CC2D1A: variants seen among roughly 807,000 people sequenced by gnomAD.
The protein encoded by CC2D1A is coiled-coil and C2 domain containing 1A, also known as coiled-coil and C2 domain-containing protein 1A.
In CC2D1A, 68 loss-of-function variants were observed where a neutral mutation model predicts 123.8. The observed-to-expected ratio is 0.55, with a 90% CI of 0.45 to 0.67. CC2D1A has a LOEUF of 0.67. CC2D1A is among the 30% of genes least tolerant of loss of function. The probability of loss-of-function intolerance (pLI) is 0.00; values close to 1 mark genes in which losing one functional copy is unlikely to be tolerated. For synonymous variants in CC2D1A, 477 were observed against 528.0 expected, an observed-to-expected ratio of 0.90 and a Z score of 1.32; for missense variants, 1,185 against 1,290.3, an observed-to-expected ratio of 0.92 and a Z score of 1.25.
chr19:13,910,032 T>TGG, intron 2 of CC2D1A, 74 bp downstream of exon 2: 2 of 1,388,064 alleles, frequency 1.4e-6, no homozygotes, highest in South Asian at 3.3e-5. Flanking sequence ...CTGGGGGCAC[T>TGG]GGGTAGGTAG....
At chr19:13,922,602 T>A (rs1301947167) in intron 14 of CC2D1A, among the ~76,000 whole-genome samples, 1 of 152,186 alleles carries the variant, frequency 6.6e-6, no homozygotes, top group African/African-American at 2.4e-5. Context: ...CTCTCTCATA[T>A]GATTTACTTA....
intron 2 of CC2D1A, among the ~76,000 whole-genome samples, chr19:13,910,462 A>C (rs1970964123): frequency 6.6e-6 from 1 of 151,642 alleles, no homozygotes; most frequent in Admixed American, 6.6e-5. Flanking sequence ...GAGAGTTGGA[A>C]TCCGAGCTCT....
Position 13,918,113 on chromosome 19 carries a change from G to C in CC2D1A, c.792G>C (p.Gln264His). Reference sequence around the variant, plus strand: ...CTCTGGCCCAGTTGCAGAGCCGCCAGCGCGACTACAAGCTGGCTGCCCTCC... The same window carrying C: ...CTCTGGCCCAGTTGCAGAGCCGCCACCGCGACTACAAGCTGGCTGCCCTCC... ...PGPLAQLQSRQRDYKLAALHA... is the reference protein window; with the variant it reads ...PGPLAQLQSRHRDYKLAALHA... Residue 264 changes from glutamine (Q) to histidine (H), a missense_variant, in exon 7 of 29, where the codon CAG becomes CAC. Gln to His is a conservative substitution (Grantham distance 24). Coordinates refer to ENST00000318003, the MANE Select transcript of CC2D1A (RefSeq NM_017721.5). 1 of 1,612,578 alleles carries C rather than the reference G, an allele frequency of 6.2e-7. No individual in the cohort carries two copies. Among genetic ancestry groups the C allele is most frequent in the Non-Finnish European group, 8.5e-7 (1 of 1,179,900 alleles).
In CC2D1A at chr19:13,911,391, C is replaced by G. The variant is rs148187468; in HGVS notation, c.197-932C>G. Among the ~76,000 whole-genome samples the G allele has an allele frequency of 1.7e-3, 266 of 152,330 alleles. 1 individual carries two copies. Among genetic ancestry groups the G allele is most frequent in the African/African-American group, 6.1e-3 (255 of 41,586 alleles). On this transcript the variant is annotated intron_variant, in intron 2 of 28. Coordinates refer to ENST00000318003, the MANE Select transcript of CC2D1A (RefSeq NM_017721.5). ...CTATTCTAAGAGCTTCATTGACCTT[C>G]TCTGCTCCAACCTACCTATGAAGGA...
At chr19:13,926,017 T>G (rs1321313669) in intron 17 of CC2D1A, among the ~76,000 whole-genome samples, 1 of 111,456 alleles carries the variant, frequency 9.0e-6, no homozygotes, top group Non-Finnish European at 1.6e-5. Context: ...TATATATACG[T>G]ATATATATGT....
At chr19:13,925,107 G>A (rs10413701) in intron 17 of CC2D1A, among the ~76,000 whole-genome samples, 18,360 of 151,988 alleles carry the variant, frequency 0.12, 3,735 homozygotes, top group African/African-American at 0.42. Flanking sequence ...CTATCTATCC[G>A]AGCAGTCTCT....
At position 13,913,308 on chromosome 19, in the gene CC2D1A, T is replaced by C; in HGVS notation, c.513+6T>C. 1.9e-6 allele frequency: 3 copies of C among 1,602,422 alleles called. No homozygotes were observed. Among genetic ancestry groups the C allele is most frequent in the Admixed American group, 1.7e-5 (1 of 59,512 alleles). On this transcript the variant is annotated splice_donor_region_variant and intron_variant, in intron 5 of 28. Transcript: ENST00000318003. ...GCTACGATCGGGGGCTTAAAGTAAG[T>C]GGGCAGAGGGCAGGGTACAGGGACC... is the stretch of plus-strand genomic sequence containing the variant.
At chr19:13,909,103 G>GT (rs1486158200) in intron 1 of CC2D1A, among the ~76,000 whole-genome samples, 7 of 151,812 alleles carry the variant, frequency 4.6e-5, no homozygotes, top group East Asian at 1.9e-4. Context: ...ATTTTAAAAA[G>GT]TTTTTTTTCC....
chr19:13,910,016 G>A (rs1242142607), intron 2 of CC2D1A, 58 bp downstream of exon 2: 43 of 1,465,016 alleles, frequency 2.9e-5, no homozygotes, highest in Admixed American at 1.5e-4. Context: ...TGGTTCGGGC[G>A]CAGAACTGGG....
At chr19:13,917,077 CA>C (rs1387065090) in intron 6 of CC2D1A, among the ~76,000 whole-genome samples, 1 of 152,150 alleles carries the variant, frequency 6.6e-6, no homozygotes, top group African/African-American at 2.4e-5. Context: ...CTTTCAAACA[CA>C]CAGCTATATC....
In CC2D1A at chr19:13,920,615, A is replaced by C; in HGVS notation, c.1415A>C (p.Gln472Pro). ...QPKAPPSRTP[Q>P]SGSAPTAKAP... ...AAAGCCCCACCCTCAAGAACTCCCC[A>C]GTCGGGATCAGCCCCAACAGCCAAA... is the stretch of plus-strand genomic sequence containing the variant. The change falls in exon 13 of 29, where the codon CAG becomes CCG. Residue 472 changes from glutamine to proline, a missense_variant. Transcript: ENST00000318003. The C allele has an allele frequency of 6.2e-7, 1 of 1,610,764 alleles. No individual in the cohort carries two copies. Among genetic ancestry groups the C allele is most frequent in the Non-Finnish European group, 8.5e-7 (1 of 1,178,708 alleles).
chr19:13,926,426 C>T, intron 17 of CC2D1A, 91 bp from the exon 18 acceptor site: 1 of 1,242,990 alleles, frequency 8.0e-7, no homozygotes. Flanking sequence ...TGTTCCCTGC[C>T]CCCACTGGGG....
In CC2D1A at chr19:13,923,338, G is replaced by T; in HGVS notation, c.1647G>T (p.Pro549=). Residue 549 remains proline, a synonymous_variant, in exon 15 of 29, where the codon CCG becomes CCT. Coordinates refer to ENST00000318003, the MANE Select transcript of CC2D1A (RefSeq NM_017721.5). The surrounding 1 kb of genome is among the most constrained non-coding windows in gnomAD (Gnocchi z 5.3). The part of the protein sequence containing the change: ...NGLPVDITKV[P]PAPVNKDDFA... ...ACCAGCCTCGTCCTCCCCAGGTGCC[G>T]CCTGCCCCTGTCAACAAGGACGACT... 6.2e-7 allele frequency: 1 copy of T among 1,606,112 alleles called. No individual in the cohort carries two copies. Among genetic ancestry groups the T allele is most frequent in the Non-Finnish European group, 8.5e-7 (1 of 1,179,346 alleles).
At position 13,918,984 on chromosome 19, in the gene CC2D1A, C is replaced by A; in HGVS notation, c.1091C>A (p.Ala364Asp). The A allele has an allele frequency of 1.2e-6, 2 of 1,609,510 alleles. No homozygotes were observed. The highest frequency in any genetic ancestry group is 1.1e-5 in the South Asian group (1 of 90,578). Residue 364 changes from alanine (A) to aspartate (D), a missense_variant, in exon 10 of 29, where the codon GCC (alanine) becomes GAC (aspartate). Ala to Asp is a moderately radical substitution (Grantham distance 126, BLOSUM62 -2). Transcript: ENST00000318003. ...ATGGAGCGGTACCAGGTGGCCGCAG[C>A]CCAGGCCAAGAGCAAGGGGGACCAG... is the stretch of plus-strand genomic sequence containing the variant. Reference protein sequence around the residue: ...QRMERYQVAAAQAKSKGDQRK... With the variant: ...QRMERYQVAADQAKSKGDQRK...
chr19:13,916,582 T>C (rs1971214080), intron 6 of CC2D1A, among the ~76,000 whole-genome samples: 1 of 151,978 alleles, frequency 6.6e-6, no homozygotes, highest in South Asian at 2.1e-4. Context: ...TAAAATAAAA[T>C]AAGCTTGATG....
In CC2D1A at chr19:13,926,846, G is replaced by T. The variant is rs779076857; in HGVS notation, c.2099G>T (p.Ser700Ile). The change falls in exon 20 of 29, where the codon AGT (serine) becomes ATT (isoleucine). Residue 700 changes from serine (S) to isoleucine (I), a missense_variant. Transcript: ENST00000318003. ...GAAGAAGCTCAGAAAGACAAGACCA[G>T]TGTGATCAAGAACACAGACTCCCCT... is the stretch of plus-strand genomic sequence containing the variant. The part of the protein sequence containing the change: ...NVEEAQKDKT[S>I]VIKNTDSPEF... The T allele has an allele frequency of 1.2e-6, 2 of 1,614,106 alleles. No homozygotes were observed. The highest frequency in any genetic ancestry group is 1.7e-6 in the Non-Finnish European group (2 of 1,180,016).
chr19:13,913,092 C>G (rs1971060821), intron 4 of CC2D1A, 76 bp from the exon 5 acceptor site: 1 of 1,433,986 alleles, frequency 7.0e-7, no homozygotes, highest in African/African-American at 1.4e-5. Flanking sequence ...ATGGGGCCGA[C>G]TGTTACTGCA....
At position 13,920,591 on chromosome 19, in the gene CC2D1A, A is replaced by G; in HGVS notation, c.1391A>G (p.Lys464Arg). Residue 464 changes from lysine to arginine, a missense_variant, in exon 13 of 29, where the codon AAA becomes AGA. Transcript: ENST00000318003. Reference protein sequence around the residue: ...NSPVAPTAQPKAPPSRTPQSG... With the variant: ...NSPVAPTAQPRAPPSRTPQSG... Reference sequence around the variant, plus strand: ...CCTGTGGCCCCCACAGCCCAGCCCAAAGCCCCACCCTCAAGAACTCCCCAG... The same window carrying G: ...CCTGTGGCCCCCACAGCCCAGCCCAGAGCCCCACCCTCAAGAACTCCCCAG... 1.2e-6 allele frequency: 2 copies of G among 1,609,632 alleles called. No individual in the cohort carries two copies. Among genetic ancestry groups the G allele is most frequent in the South Asian group, 1.1e-5 (1 of 90,484 alleles).
In CC2D1A at chr19:13,912,387, T is replaced by C. The variant is rs902465510; in HGVS notation, c.261T>C (p.Asp87=). Residue 87 remains aspartate, a synonymous_variant, in exon 3 of 29, where the codon GAT becomes GAC. Coordinates refer to ENST00000318003, the MANE Select transcript of CC2D1A (RefSeq NM_017721.5). ...ASLCMRDPDE[D]EEEGTDEDDL... The stretch of plus-strand genomic sequence containing the variant: ...TGTGCATGAGAGACCCGGATGAGGA[T>C]GAGGAGGAGGGGACGGATGAGGACG... 5 of 1,613,284 alleles carry C rather than the reference T, an allele frequency of 3.1e-6. No homozygotes were observed. The African/African-American group carries it at 5.3e-5, about 17-fold the overall frequency.
Sources: gnomAD v4.1 joint callset for allele counts (sites outside exome capture counted in the v4.1 genomes callset) on GRCh38, gnomAD v4.1.1 for gene constraint, Gnocchi (gnomAD v3.1) non-coding constraint, MANE v1.5 for transcripts, NCBI Gene and HGNC (gene_info 2026-07-23, HGNC 2026-07-21) for gene names.